The following KIDINS220 variants were observed in gnomAD, a reference collection of about 807,000 sequenced individuals.
KIDINS220 encodes kinase D-interacting substrate of 220 kDa.
Under a neutral mutation model 157.6 loss-of-function variants are expected in KIDINS220, and 63 were observed. The observed-to-expected ratio is 0.40, with a 90% CI of 0.33 to 0.49. The LOEUF is 0.49. KIDINS220 is among the 20% of genes least tolerant of loss of function. The pLI, the probability that KIDINS220 is intolerant of heterozygous loss-of-function variation, is 0.66. For missense variants in KIDINS220, 1,772 were observed against 2,171.2 expected, an observed-to-expected ratio of 0.82 and a Z score of 3.65; for synonymous variants, 732 against 783.6, an observed-to-expected ratio of 0.93 and a Z score of 1.10.
intron 11 of KIDINS220, among the ~76,000 whole-genome samples, chr2:8,795,897 AT>A (rs1673845290): frequency 6.6e-6 from 1 of 152,218 alleles, no homozygotes; most frequent in Admixed American, 6.5e-5. Context: ...CATATATTCC[AT>A]TTTGAAAACT....
chr2:8,723,769 A>G (rs1221440193), downstream of KIDINS220: 1 of 152,244 alleles, frequency 6.6e-6, no homozygotes, highest in Admixed American at 6.5e-5. Context: ...GTAGAGTTGA[A>G]CCATTTTAAT....
intron 26 of KIDINS220, chr2:8,746,834 G>C (rs758303957): frequency 1.8e-4 from 54 of 292,896 alleles, no homozygotes; most frequent in Non-Finnish European, 3.0e-4. Flanking sequence ...TCACACTGAG[G>C]AGCAAATACT....
At chr2:8,757,634 T>A in intron 22 of KIDINS220, 1 of 1,608,720 alleles carries the variant, frequency 6.2e-7, no homozygotes, top group Non-Finnish European at 8.5e-7. Context: ...CCCAAGTGAA[T>A]GTGCATCTCT....
chr2:8,822,326 A>G (rs562212717), intron 2 of KIDINS220, among the ~76,000 whole-genome samples: 4 of 152,242 alleles, frequency 2.6e-5, no homozygotes, highest in Admixed American at 6.5e-5. Context: ...AATTTCCTTT[A>G]AAGTCTATTT....
intron 21 of KIDINS220, among the ~76,000 whole-genome samples, chr2:8,773,739 T>G (rs1004473337): frequency 1.3e-5 from 2 of 152,188 alleles, no homozygotes; most frequent in African/African-American, 4.8e-5. Flanking sequence ...CCCAAAGTGC[T>G]GAGATTAGAG....
intron 2 of KIDINS220, among the ~76,000 whole-genome samples, chr2:8,825,431 A>G (rs1678638627): frequency 6.6e-6 from 1 of 151,384 alleles, no homozygotes; most frequent in African/African-American, 2.4e-5. Context: ...AATACTTAAT[A>G]CTCCTAAACT....
At position 8,731,615 on chromosome 2, in the gene KIDINS220, T is replaced by G. The variant is rs1315958645; in HGVS notation, c.4421A>C (p.Asp1474Ala). The G allele has an allele frequency of 3.1e-6, 5 of 1,614,040 alleles. No homozygotes were observed. The East Asian group carries it at 8.9e-5, about 29-fold the overall frequency. Residue 1474 changes from aspartate (D) to alanine (A), a missense_variant, in exon 30 of 30, where the codon GAT (aspartate) becomes GCT (alanine). Around this residue, in one of 3 missense-constraint regions of KIDINS220, gnomAD observed 793 missense variants for 885.5 expected, o/e 0.90. Coordinates refer to ENST00000256707, the MANE Select transcript of KIDINS220 (RefSeq NM_020738.4). The surrounding 1 kb of genome is among the most constrained non-coding windows in gnomAD (Gnocchi z 5.2). ...TTTTTCATCTTCTTCAGTGATAGGA[T>G]CCAGGGGGGAAGCATCGTTGGTGGA... The part of the protein sequence containing the change: ...GVSTNDASPL[D>A]PITEEDEKSD...
intron 18 of KIDINS220, 143 bp from the exon 19 acceptor site, chr2:8,779,282 A>C: frequency 1.9e-6 from 2 of 1,075,756 alleles, no homozygotes; most frequent in Non-Finnish European, 2.6e-6. Flanking sequence ...TCTGCACAAA[A>C]GCAAATTTTA....
intron 15 of KIDINS220, among the ~76,000 whole-genome samples, chr2:8,786,693 G>A (rs1235440364): frequency 2.0e-5 from 3 of 152,038 alleles, no homozygotes; most frequent in East Asian, 3.8e-4. Context: ...TGGTTAAAAG[G>A]TGACACACGT....
intron 22 of KIDINS220, among the ~76,000 whole-genome samples, chr2:8,764,377 C>T (rs1296876022): frequency 1.3e-5 from 2 of 152,148 alleles, no homozygotes; most frequent in Non-Finnish European, 2.9e-5. Context: ...ACCACTTGTA[C>T]TCCAAAAGCT....
At chr2:8,771,314 A>G (rs1418974161) in intron 21 of KIDINS220, among the ~76,000 whole-genome samples, 1 of 152,194 alleles carries the variant, frequency 6.6e-6, no homozygotes, top group Non-Finnish European at 1.5e-5. Flanking sequence ...ATTTTCACAT[A>G]CTAAGGGTGG....
At chr2:8,791,689 C>A (rs185978024) in intron 12 of KIDINS220, among the ~76,000 whole-genome samples, 1 of 151,922 alleles carries the variant, frequency 6.6e-6, no homozygotes, top group Non-Finnish European at 1.5e-5. Flanking sequence ...AAATTTAGTA[C>A]GTGTAATACC....
intron 17 of KIDINS220, among the ~76,000 whole-genome samples, chr2:8,784,189 C>CAAAAAAAAAAAAAAAA (rs796082514): frequency 9.7e-6 from 1 of 103,442 alleles, no homozygotes. Flanking sequence ...CAACTGGAAA[C>CAAAAAAAAAAAAAAAA]AAAAAAAAAA....
chr2:8,736,207 T>G (rs1339678906), intron 27 of KIDINS220, among the ~76,000 whole-genome samples: 5 of 152,256 alleles, frequency 3.3e-5, no homozygotes, highest in African/African-American at 1.2e-4. Flanking sequence ...TATTACACAG[T>G]ACTCTGATAT....
In KIDINS220 at chr2:8,731,414, T is replaced by C; in HGVS notation, c.4622A>G (p.Lys1541Arg). ...SDNTPLLKDD[K>R]DRKAEGKVER... ...TACTTTCCCTTCGGCTTTTCTGTCT[T>C]TGTCATCTTTGAGCAGTGGAGTGTT... Residue 1541 changes from lysine to arginine, a missense_variant, in exon 30 of 30, where the codon AAA (lysine) becomes AGA (arginine). Physicochemically the swap from Lys to Arg is conservative, Grantham distance 26. Coordinates refer to ENST00000256707, the MANE Select transcript of KIDINS220 (RefSeq NM_020738.4). The surrounding 1 kb of genome is among the most constrained non-coding windows in gnomAD (Gnocchi z 5.2). 1 of 1,614,196 alleles carries C rather than the reference T, an allele frequency of 6.2e-7. No homozygotes were observed. The highest frequency in any genetic ancestry group is 2.2e-5 in the East Asian group (1 of 44,884).
chr2:8,757,590 A>C, intron 22 of KIDINS220: 1 of 1,563,330 alleles, frequency 6.4e-7, no homozygotes, highest in Non-Finnish European at 8.7e-7. Context: ...GAAGTTTTGA[A>C]TATTTGCCAT....
chr2:8,727,567 C>G (rs1352903636), downstream of KIDINS220, among the ~76,000 whole-genome samples: 1 of 152,044 alleles, frequency 6.6e-6, no homozygotes. Context: ...AGATTTACTT[C>G]CATTCAAAAA....
chr2:8,799,621 C>T (rs1328074879), intron 9 of KIDINS220, among the ~76,000 whole-genome samples: 1 of 152,146 alleles, frequency 6.6e-6, no homozygotes, highest in African/African-American at 2.4e-5. Flanking sequence ...AATAAACAAA[C>T]TAAAATCTCT....
At chr2:8,755,786 G>C (rs1336657719) in intron 22 of KIDINS220, among the ~76,000 whole-genome samples, 1 of 152,232 alleles carries the variant, frequency 6.6e-6, no homozygotes, top group African/African-American at 2.4e-5. Flanking sequence ...AACCCAACTG[G>C]ACATAGATGT....
Sources: gnomAD v4.1 joint callset for allele counts (sites outside exome capture counted in the v4.1 genomes callset) on GRCh38, gnomAD v4.1.1 for gene constraint, gnomAD v4.1.1 regional missense constraint, Gnocchi (gnomAD v3.1) non-coding constraint, MANE v1.5 for transcripts, NCBI Gene and HGNC (gene_info 2026-07-23, HGNC 2026-07-21) for gene names.